IL26: variants seen among roughly 807,000 people sequenced by gnomAD.
IL26 encodes the protein interleukin 26.
A neutral mutation model predicts 21.7 loss-of-function variants in IL26; 23 were observed. The observed-to-expected ratio is 1.06, with a 90% confidence interval of 0.76 to 1.50. The LOEUF (loss-of-function observed/expected upper bound fraction) is 1.50. IL26 is among the 40% of genes most tolerant of loss of function. The pLI is 0.00. For missense variants in IL26, 204 were observed against 196.0 expected (o/e 1.04, Z -0.24); for synonymous variants, 63 against 67.8 (o/e 0.93, Z 0.34).
intron 3 of IL26, among the ~76,000 whole-genome samples, chr12:68,210,717 T>C (rs1194188038): frequency 6.6e-6 from 1 of 152,194 alleles, no homozygotes; most frequent in Non-Finnish European, 1.5e-5. Context: ...CTAGCTTACC[T>C]AGAATAATCT....
chr12:68,210,370 A>C (rs893397374), intron 3 of IL26, among the ~76,000 whole-genome samples: 2 of 117,986 alleles, frequency 1.7e-5, no homozygotes, highest in Non-Finnish European at 3.7e-5. Flanking sequence ...AAAAAAAAAA[A>C]AAAAAAAAAA....
At chr12:68,207,241 T>G (rs1868568762) in intron 3 of IL26, among the ~76,000 whole-genome samples, 1 of 152,238 alleles carries the variant, frequency 6.6e-6, no homozygotes, top group African/African-American at 2.4e-5. Flanking sequence ...TACCTCACTC[T>G]GTGGTACATA....
intron 3 of IL26, among the ~76,000 whole-genome samples, chr12:68,202,658 A>G (rs1868420674): frequency 1.3e-5 from 2 of 152,306 alleles, no homozygotes; most frequent in East Asian, 3.9e-4. Context: ...ACAGCACAGG[A>G]GAAACCTCCC....
intron 3 of IL26, among the ~76,000 whole-genome samples, chr12:68,210,261 C>T (rs753366441): frequency 1.4e-5 from 2 of 145,866 alleles, no homozygotes; most frequent in Non-Finnish European, 3.0e-5. Flanking sequence ...ATCTGAAGTG[C>T]TTTTAAAGCC....
chr12:68,219,454 AGG>A (rs1442693125), intron 3 of IL26, among the ~76,000 whole-genome samples: 1 of 151,964 alleles, frequency 6.6e-6, no homozygotes, highest in Non-Finnish European at 1.5e-5. Context: ...AAAAATAAAA[AGG>A]GAAATTAGCA....
chr12:68,204,304 C>T (rs779414173), intron 3 of IL26, among the ~76,000 whole-genome samples: 2 of 151,916 alleles, frequency 1.3e-5, no homozygotes, highest in Non-Finnish European at 2.9e-5. Flanking sequence ...CCACCACGCC[C>T]GGCTGATTTT....
chr12:68,212,114 G>T (rs1868749870), intron 3 of IL26, among the ~76,000 whole-genome samples: 1 of 152,096 alleles, frequency 6.6e-6, no homozygotes, highest in Non-Finnish European at 1.5e-5. Context: ...AGTTTTCCCA[G>T]CATCATTTAT....
intron 3 of IL26, among the ~76,000 whole-genome samples, chr12:68,212,174 A>C (rs1309777602): frequency 6.6e-6 from 1 of 152,182 alleles, no homozygotes; most frequent in Non-Finnish European, 1.5e-5. Flanking sequence ...CCTTTGTCAA[A>C]ATATGAGTTG....
chr12:68,202,530 G>A (rs1051352229), intron 3 of IL26, among the ~76,000 whole-genome samples: 2 of 152,166 alleles, frequency 1.3e-5, no homozygotes, highest in African/African-American at 4.8e-5. Flanking sequence ...TACAATCACG[G>A]CAGAAGGTGA....
chr12:68,210,374 A>C lies in IL26; in HGVS notation c.364-8291T>G, dbSNP rs1023291992. On this transcript the variant is annotated intron_variant, in intron 3 of 4. Coordinates refer to ENST00000229134, the MANE Select transcript of IL26 (RefSeq NM_018402.2). ...AAAAAAAAAAAAAAAAAAAAAAAAA[A>C]AAAAAAAAAACAGCACAAGCACTAG... Among the ~76,000 whole-genome samples the C allele has an allele frequency of 5.9e-3, 614 of 104,288 alleles. 21 individuals carry two copies. Among genetic ancestry groups the C allele is most frequent in the African/African-American group, 0.02 (573 of 28,088 alleles). The allele number at this position is 104,288 out of a possible 152,430, so 68.4% of individuals were successfully genotyped here. A position where few individuals can be genotyped will look rare whatever the true frequency, so the allele number is the denominator to read the frequency against.
chr12:68,215,446 T>A (rs1420629839), intron 3 of IL26, among the ~76,000 whole-genome samples: 4 of 152,172 alleles, frequency 2.6e-5, no homozygotes, highest in Admixed American at 1.3e-4. Flanking sequence ...TTCTGGGATA[T>A]TGCTGGTGAT....
In IL26 at chr12:68,206,672, C is replaced by A. The variant is rs956901294; in HGVS notation, c.364-4589G>T. On this transcript the variant is annotated intron_variant, in intron 3 of 4. Transcript: ENST00000229134. ...TAAACCTGACTGCATTTGCACAAAA[C>A]ATTAAAGTTAGCCTATTCCTTCCTG... Among the ~76,000 whole-genome samples, 3 of 152,202 alleles carry A rather than the reference C, an allele frequency of 2.0e-5. No individual in the cohort carries two copies. The East Asian group carries it at 5.8e-4, about 29-fold the overall frequency.
intron 3 of IL26, among the ~76,000 whole-genome samples, chr12:68,221,332 G>C (rs917814734): frequency 6.6e-6 from 1 of 152,124 alleles, no homozygotes. Flanking sequence ...GAAGGAAAAG[G>C]AAGGAAAGCA....
chr12:68,202,007 A>T lies in IL26; in HGVS notation c.429+11T>A. 1 of 1,553,990 alleles carries T rather than the reference A, an allele frequency of 6.4e-7. No individual in the cohort carries two copies. The highest frequency in any genetic ancestry group is 8.8e-7 in the Non-Finnish European group (1 of 1,142,238). On this transcript the variant is annotated intron_variant, in intron 4 of 4. Coordinates refer to ENST00000229134, the MANE Select transcript of IL26 (RefSeq NM_018402.2). ...ACAAAGTTTTTTAATATAAGGATTT[A>T]GAATTCTTACCCTATAAAATATTCT...
At chr12:68,224,683 T>G (rs1190132861) in intron 3 of IL26, among the ~76,000 whole-genome samples, 40 of 84,628 alleles carry the variant, frequency 4.7e-4, no homozygotes, top group South Asian at 1.8e-3. Context: ...GGAAGGAGGG[T>G]GGAGGAAGAG....
At chr12:68,208,282 G>T (rs1210200811) in intron 3 of IL26, among the ~76,000 whole-genome samples, 1 of 152,156 alleles carries the variant, frequency 6.6e-6, no homozygotes, top group Non-Finnish European at 1.5e-5. Context: ...GAAGAGATGA[G>T]TAGGCAGGGA....
intron 3 of IL26, among the ~76,000 whole-genome samples, chr12:68,207,599 G>A (rs1181393524): frequency 1.3e-5 from 2 of 152,194 alleles, no homozygotes; most frequent in Non-Finnish European, 2.9e-5. Context: ...CTTCATGTGA[G>A]CAGTTTGTCT....
chr12:68,222,565 G>A (rs1184835320), intron 3 of IL26, among the ~76,000 whole-genome samples: 1 of 152,184 alleles, frequency 6.6e-6, no homozygotes, highest in East Asian at 1.9e-4. Context: ...CCGCCTCCAG[G>A]AAACAGAATG....
intron 3 of IL26, among the ~76,000 whole-genome samples, chr12:68,209,592 G>A (rs1592896382): frequency 1.3e-5 from 2 of 152,104 alleles, no homozygotes; most frequent in South Asian, 4.1e-4. Context: ...ATTATGGTGC[G>A]TCAGGGTAGC....
Sources: gnomAD v4.1 joint callset for allele counts (sites outside exome capture counted in the v4.1 genomes callset) on GRCh38, gnomAD v4.1.1 for gene constraint, MANE v1.5 for transcripts, NCBI Gene and HGNC (gene_info 2026-07-23, HGNC 2026-07-21) for gene names.